Variants in DNAJC25 observed in about 807,000 individuals in gnomAD.
DNAJC25 encodes DnaJ heat shock protein family (Hsp40) member C25, also known as dnaJ homolog subfamily C member 25.
A neutral mutation model predicts 42.1 loss-of-function variants in DNAJC25; 26 were observed. That is an observed-to-expected ratio of 0.62 (90% CI 0.45 to 0.86). The LOEUF is 0.86. Among genes scored for constraint, DNAJC25 ranks in the 40% least tolerant of loss-of-function variants. The pLI is 0.00. For missense variants in DNAJC25, 404 were observed against 459.4 expected (o/e 0.88, Z 1.10); for synonymous variants, 189 against 179.9 (o/e 1.05, Z -0.40).
chr9:111,643,827 G>A (rs62569916), intron 1 of DNAJC25, among the ~76,000 whole-genome samples: 1 of 152,010 alleles, frequency 6.6e-6, no homozygotes, highest in South Asian at 2.1e-4. Context: ...GTCCCAGAAG[G>A]ATGGTCCTTC....
intron 1 of DNAJC25, among the ~76,000 whole-genome samples, chr9:111,633,705 G>T (rs1197493805): frequency 1.3e-5 from 2 of 152,270 alleles, no homozygotes; most frequent in East Asian, 3.9e-4. Context: ...CATGATTAGA[G>T]GGTAGAAATA....
intron 1 of DNAJC25, among the ~76,000 whole-genome samples, chr9:111,639,338 C>G (rs1830410181): frequency 5.3e-5 from 8 of 152,186 alleles, no homozygotes; most frequent in Admixed American, 5.2e-4. Context: ...TTAACTGATA[C>G]ACAGAGGGAT....
At chr9:111,643,597 G>A (rs913218020) in intron 1 of DNAJC25, among the ~76,000 whole-genome samples, 25 of 152,068 alleles carry the variant, frequency 1.6e-4, no homozygotes, top group African/African-American at 5.3e-4. Flanking sequence ...AGAAATTGCT[G>A]TCTGAATGTT....
chr9:111,641,625 T>G (rs1373417186), intron 1 of DNAJC25, among the ~76,000 whole-genome samples: 6 of 75,364 alleles, frequency 8.0e-5, no homozygotes, highest in South Asian at 4.3e-4. Context: ...GGGAGGGAGG[T>G]GGGGGGGTCA....
chr9:111,633,031 G>C (rs998745814), intron 1 of DNAJC25, among the ~76,000 whole-genome samples: 5 of 152,158 alleles, frequency 3.3e-5, no homozygotes, highest in African/African-American at 1.2e-4. Flanking sequence ...GGGGAACTGG[G>C]AAAGTGCTGA....
At chr9:111,641,448 A>G (rs1589343879) in intron 1 of DNAJC25, among the ~76,000 whole-genome samples, 2 of 80,916 alleles carry the variant, frequency 2.5e-5, no homozygotes, top group African/African-American at 5.3e-5. Flanking sequence ...CTGGGAGGTG[A>G]GGGGTGCCTC....
intron 1 of DNAJC25, among the ~76,000 whole-genome samples, chr9:111,641,633 T>G (rs1444888485): frequency 9.2e-4 from 72 of 78,148 alleles, no homozygotes; most frequent in African/African-American, 1.0e-3. Context: ...GGTGGGGGGG[T>G]CAGCCCCCCG....
intron 2 of DNAJC25, 101 bp downstream of exon 2, chr9:111,647,360 T>G (rs574665368): frequency 5.0e-5 from 71 of 1,431,582 alleles, no homozygotes; most frequent in Non-Finnish European, 6.5e-5. Flanking sequence ...TCTTGTAAAA[T>G]TTTACTTCTA....
intron 1 of DNAJC25, among the ~76,000 whole-genome samples, chr9:111,633,123 C>T (rs1419703928): frequency 6.6e-6 from 1 of 152,116 alleles, no homozygotes; most frequent in Admixed American, 6.5e-5. Flanking sequence ...ACTCTCCATC[C>T]AAGGCACTTC....
chr9:111,650,855 T>A (rs1830648004), intron 3 of DNAJC25, among the ~76,000 whole-genome samples: 1 of 152,188 alleles, frequency 6.6e-6, no homozygotes, highest in South Asian at 2.1e-4. Flanking sequence ...TCATTTCATT[T>A]TGTATGTGAT....
At chr9:111,636,080 T>C (rs1442114313) in intron 1 of DNAJC25, among the ~76,000 whole-genome samples, 2 of 152,328 alleles carry the variant, frequency 1.3e-5, no homozygotes, top group East Asian at 1.9e-4. Context: ...TCAGTTATTA[T>C]ATAAGTTATA....
rs1277297739 is a variant in DNAJC25 at position 111,631,821 on chromosome 9, A to G, written c.336+78A>G. 5 of 1,435,858 alleles carry G rather than the reference A, an allele frequency of 3.5e-6. No homozygotes were observed. The African/African-American group carries it at 6.0e-5, about 17-fold the overall frequency. 88.9% of individuals were successfully genotyped at this position (1,435,858 alleles called of 1,614,324 possible). A position where few individuals can be genotyped will look rare whatever the true frequency, so the allele number is the denominator to read the frequency against. On this transcript the variant is annotated intron_variant, in intron 1 of 3. Coordinates refer to ENST00000313525, the MANE Select transcript of DNAJC25 (RefSeq NM_001015882.3). ...GGCGCCTTCCGACCCCGGTCCGCGG[A>G]GCGTGGGCCTCTGTGACCCCGAAAC...
At position 111,653,908 on chromosome 9, in the gene DNAJC25, T is replaced by A. The variant is rs1830703515; in HGVS notation, c.*686T>A. The stretch of plus-strand genomic sequence containing the variant: ...CTACCCTCACGTCCTTGTAGGATGA[T>A]CTTGATTATAGTCTTATTATAGGAC... On this transcript the variant is annotated 3_prime_UTR_variant, in exon 4 of 4. Coordinates refer to ENST00000313525, the MANE Select transcript of DNAJC25 (RefSeq NM_001015882.3). 1 of 152,620 alleles carries A rather than the reference T, an allele frequency of 6.6e-6. No individual in the cohort carries two copies. The highest frequency in any genetic ancestry group is 2.1e-4 in the South Asian group (1 of 4,830). The allele number at this position is 152,620 out of a possible 1,614,324, so 9.5% of individuals were successfully genotyped here. A position where few individuals can be genotyped will look rare whatever the true frequency, so the allele number is the denominator to read the frequency against.
chr9:111,631,710 C>T lies in DNAJC25; in HGVS notation c.303C>T (p.Phe101=), dbSNP rs1487914884. 1 of 1,523,110 alleles carries T rather than the reference C, an allele frequency of 6.6e-7. No homozygotes were observed. Among genetic ancestry groups the T allele is most frequent in the Non-Finnish European group, 8.8e-7 (1 of 1,141,376 alleles). The allele number at this position is 1,523,110 out of a possible 1,614,324, so 94.3% of individuals were successfully genotyped here. A position where few individuals can be genotyped will look rare whatever the true frequency, so the allele number is the denominator to read the frequency against. The change falls in exon 1 of 4, where the codon TTC becomes TTT. Residue 101 remains phenylalanine (F), a synonymous_variant. Coordinates refer to ENST00000313525, the MANE Select transcript of DNAJC25 (RefSeq NM_001015882.3). ...CGCCGCAGAGCGCCGAGGAGGCTTTCCTGCTGGTGGCAACCGCCTACGAGA... is the reference window on the plus strand; with the variant it reads ...CGCCGCAGAGCGCCGAGGAGGCTTTTCTGCTGGTGGCAACCGCCTACGAGA... ...GRTPQSAEEA[F]LLVATAYETL...
In DNAJC25 at chr9:111,640,998, G is replaced by A. The variant is rs1179932032; in HGVS notation, c.337-6109G>A. ...GCCAGCCGTGCCGTCCGGGAGGGAGGTGGGGGGGTCAGCCCCGCGCCCGGC... is the reference window on the plus strand; with the variant it reads ...GCCAGCCGTGCCGTCCGGGAGGGAGATGGGGGGGTCAGCCCCGCGCCCGGC... On this transcript the variant is annotated intron_variant, in intron 1 of 3. Transcript: ENST00000313525. Among the ~76,000 whole-genome samples, 3 of 104,668 alleles carry A rather than the reference G, an allele frequency of 2.9e-5. 1 individual carries two copies. The highest frequency in any genetic ancestry group is 5.4e-5 in the Non-Finnish European group (3 of 55,126). The allele number at this position is 104,668 out of a possible 152,430, so 68.7% of individuals were successfully genotyped here.
intron 1 of DNAJC25, among the ~76,000 whole-genome samples, chr9:111,640,147 C>T (rs1178723272): frequency 7.2e-5 from 11 of 151,870 alleles, no homozygotes; most frequent in African/African-American, 2.7e-4. Flanking sequence ...GGGCCGGTCT[C>T]CAGCCCCTAA....
At chr9:111,646,727 C>T (rs193210095) in intron 1 of DNAJC25, among the ~76,000 whole-genome samples, 126 of 151,652 alleles carry the variant, frequency 8.3e-4, no homozygotes, top group Non-Finnish European at 2.4e-4. Context: ...AAGGCTGGGA[C>T]GTGATTGTGA....
chr9:111,641,947 C>T (rs1830479357), intron 1 of DNAJC25, among the ~76,000 whole-genome samples: 1 of 136,650 alleles, frequency 7.3e-6, no homozygotes, highest in African/African-American at 2.7e-5. Context: ...GGGGTTCAGC[C>T]CCCCGCCCGG....
chr9:111,641,232 G>A (rs1271977387), intron 1 of DNAJC25, among the ~76,000 whole-genome samples: 1 of 143,668 alleles, frequency 7.0e-6, no homozygotes. Flanking sequence ...AGGTGGGGGG[G>A]TCAGCCCTCC....
Sources: gnomAD v4.1 joint callset for allele counts (sites outside exome capture counted in the v4.1 genomes callset) on GRCh38, gnomAD v4.1.1 for gene constraint, MANE v1.5 for transcripts, NCBI Gene and HGNC (gene_info 2026-07-23, HGNC 2026-07-21) for gene names.